Variants in COL23A1 observed in about 807,000 individuals in gnomAD.
COL23A1 encodes the protein collagen type XXIII alpha 1 chain.
In COL23A1, 97 loss-of-function variants were observed where a neutral mutation model predicts 99.3. The ratio of observed to expected loss-of-function variants is 0.98; its 90% confidence interval spans 0.83 to 1.16. The LOEUF is 1.16. Ranked by LOEUF, COL23A1 falls within the 50% of genes most tolerant of loss-of-function variation. The probability of loss-of-function intolerance (pLI) is 0.00; values close to 1 mark genes in which losing one functional copy is unlikely to be tolerated. For missense variants in COL23A1, 762 were observed against 757.4 expected (o/e 1.01, Z -0.07); for synonymous variants, 320 against 308.2 (o/e 1.04, Z -0.40).
chr5:178,505,832 A>G (rs73340607), intron 2 of COL23A1, among the ~76,000 whole-genome samples: 2,431 of 152,218 alleles, frequency 0.016, 77 homozygotes, highest in African/African-American at 0.055. Context: ...AGGGTGTCCA[A>G]TCATTGGAAC....
intron 2 of COL23A1, among the ~76,000 whole-genome samples, chr5:178,418,406 C>T (rs1370667573): frequency 6.6e-6 from 1 of 152,226 alleles, no homozygotes; most frequent in Non-Finnish European, 1.5e-5. Context: ...CCCTACGTTC[C>T]AGCTTTCCTG....
At position 178,539,565 on chromosome 5, in the gene COL23A1, A is replaced by AGG. The variant is rs1383682374; in HGVS notation, c.361+21116_361+21117insCC. Among the ~76,000 whole-genome samples, 548 of 149,348 alleles carry AGG rather than the reference A, an allele frequency of 3.7e-3. 5 individuals are homozygous for AGG. The highest frequency in any genetic ancestry group is 6.0e-3 in the Non-Finnish European group (404 of 67,422). On this transcript the variant is annotated intron_variant, in intron 2 of 28. Coordinates refer to ENST00000390654, the MANE Select transcript of COL23A1 (RefSeq NM_173465.4). Reference sequence around the variant, plus strand: ...TGTCTCAAAAAAAAAAAAAAAAAAAAAAAGAAAAAGAAAGAAAGGGAAAAA... The same window carrying AGG: ...TGTCTCAAAAAAAAAAAAAAAAAAAAGGAAAGAAAAAGAAAGAAAGGGAAAAA...
chr5:178,350,887 C>T (rs7708757), intron 2 of COL23A1: 55,917 of 152,186 alleles, frequency 0.37, 11,707 homozygotes, highest in Middle Eastern at 0.54. Flanking sequence ...TTTAACAAAC[C>T]GAGGTGCAGA....
At chr5:178,403,134 AAAAT>A (rs1561940736) in intron 2 of COL23A1, among the ~76,000 whole-genome samples, 1 of 146,314 alleles carries the variant, frequency 6.8e-6, no homozygotes, top group African/African-American at 2.6e-5. Flanking sequence ...AAATAAATAA[AAAAT>A]AAATACCATT....
rs1292989026 is a variant in COL23A1, at chr5:178,313,180, C to T, written c.362-6261G>A. Among the ~76,000 whole-genome samples the T allele has an allele frequency of 6.6e-6, 1 of 152,034 alleles. No homozygotes were observed. Among genetic ancestry groups the T allele is most frequent in the Non-Finnish European group, 1.5e-5 (1 of 67,986 alleles). ...CAGAAGGTGGAATAGGGGGTGCCAT[C>T]GGTGGGCTGGGCTAGGGGAGGCGAG... On this transcript the variant is annotated intron_variant, in intron 2 of 28. Transcript: ENST00000390654. This position sits in a 1 kb window ranked among gnomAD's most constrained non-coding sequence, Gnocchi z 4.2.
intron 2 of COL23A1, among the ~76,000 whole-genome samples, chr5:178,361,503 T>A (rs1762172966): frequency 6.6e-6 from 1 of 152,078 alleles, no homozygotes; most frequent in African/African-American, 2.4e-5. Context: ...TCCTCACCAT[T>A]CCTCTGCGGG....
intron 2 of COL23A1, among the ~76,000 whole-genome samples, chr5:178,429,312 C>T (rs998712979): frequency 6.6e-6 from 1 of 152,158 alleles, no homozygotes; most frequent in African/African-American, 2.4e-5. Context: ...CCTCCACACC[C>T]CACGAGCGAA....
In COL23A1 at chr5:178,426,768, A is replaced by G. The variant is rs561747675; in HGVS notation, c.362-119849T>C. Reference sequence around the variant, plus strand: ...GTATACAAAGAACTCTTAAAACTCAACAATAAGAACGCGAACAGCCCCGTT... The same window carrying G: ...GTATACAAAGAACTCTTAAAACTCAGCAATAAGAACGCGAACAGCCCCGTT... On this transcript the variant is annotated intron_variant, in intron 2 of 28. Coordinates refer to ENST00000390654, the MANE Select transcript of COL23A1 (RefSeq NM_173465.4). Among the ~76,000 whole-genome samples the G allele has an allele frequency of 5.3e-5, 8 of 152,368 alleles. No individual in the cohort carries two copies. The South Asian group carries it at 1.7e-3, about 32-fold the overall frequency.
In COL23A1 at chr5:178,507,164, T is replaced by C. The variant is rs1758919500; in HGVS notation, c.361+53518A>G. On this transcript the variant is annotated intron_variant, in intron 2 of 28. Coordinates refer to ENST00000390654, the MANE Select transcript of COL23A1 (RefSeq NM_173465.4). ...TTTTTCTTATATAAAAGGCAGCATA[T>C]TCTCTACACAGTTCTGCACCTGGGC... 2.0e-5 allele frequency among the ~76,000 whole-genome samples: 3 copies of C among 152,298 alleles called. No individual in the cohort carries two copies. In the South Asian group the frequency reaches 6.2e-4, roughly 32 times the overall value.
intron 8 of COL23A1, among the ~76,000 whole-genome samples, chr5:178,265,317 G>C (rs1301990515): frequency 1.3e-5 from 2 of 152,182 alleles, no homozygotes. Flanking sequence ...CTGACAGTTT[G>C]GTTAGGTCAC....
chr5:178,477,433 T>A (rs140725157), intron 2 of COL23A1, among the ~76,000 whole-genome samples: 1 of 152,176 alleles, frequency 6.6e-6, no homozygotes, highest in African/African-American at 2.4e-5. Flanking sequence ...GAGTCACCAA[T>A]GTAACCCAGC....
At chr5:178,246,582 C>T (rs1764709040) in intron 22 of COL23A1, 129 bp from the exon 23 acceptor site, 1 of 884,828 alleles carries the variant, frequency 1.1e-6, no homozygotes, top group East Asian at 2.7e-5. Context: ...CAGGCCTGGC[C>T]CCAGCTTACT....
intron 4 of COL23A1, chr5:178,288,641 G>A (rs1295154259): frequency 1.8e-6 from 1 of 548,036 alleles, no homozygotes; most frequent in Non-Finnish European, 3.4e-6. Context: ...AATGCCACGT[G>A]GGGACGTGGG....
intron 2 of COL23A1, among the ~76,000 whole-genome samples, chr5:178,318,279 T>C (rs1268162878): frequency 6.6e-6 from 1 of 152,172 alleles, no homozygotes; most frequent in Non-Finnish European, 1.5e-5. Flanking sequence ...CAGCCTTCGG[T>C]GCCTTCCAGC....
rs767844370 is a variant in COL23A1, at chr5:178,577,516, C to T, written c.294+12388G>A. Among the ~76,000 whole-genome samples the T allele has an allele frequency of 1.5e-3, 231 of 152,318 alleles. 1 individual carries two copies. The highest frequency in any genetic ancestry group is 1.4e-3 in the Non-Finnish European group (98 of 68,004). ...TCAGGCACTCACCGAGGACAGGACC[C>T]GGGGAATCCGCTGGGGCTTTCAGCA... On this transcript the variant is annotated intron_variant, in intron 1 of 28. Coordinates refer to ENST00000390654, the MANE Select transcript of COL23A1 (RefSeq NM_173465.4).
chr5:178,474,734 G>T (rs1373241909), intron 2 of COL23A1, among the ~76,000 whole-genome samples: 1 of 152,172 alleles, frequency 6.6e-6, no homozygotes, highest in Non-Finnish European at 1.5e-5. Context: ...GCAAACAAAA[G>T]AAAATCAATT....
At chr5:178,499,946 A>G (rs908992556) in intron 2 of COL23A1, among the ~76,000 whole-genome samples, 6 of 152,254 alleles carry the variant, frequency 3.9e-5, no homozygotes, top group Non-Finnish European at 8.8e-5. Context: ...GAAAGAAACC[A>G]TATCAAGCAA....
intron 2 of COL23A1, among the ~76,000 whole-genome samples, chr5:178,539,697 A>G (rs1761186920): frequency 6.6e-6 from 1 of 152,180 alleles, no homozygotes; most frequent in African/African-American, 2.4e-5. Context: ...TCTTCCAAAC[A>G]CTTCAGAAAA....
intron 16 of COL23A1, among the ~76,000 whole-genome samples, chr5:178,253,375 C>T (rs1338188029): frequency 1.3e-5 from 2 of 152,158 alleles, no homozygotes; most frequent in East Asian, 1.9e-4. Flanking sequence ...AGGCCCAGGC[C>T]CAGGACCTCC....
Sources: gnomAD v4.1 joint callset for allele counts (sites outside exome capture counted in the v4.1 genomes callset) on GRCh38, gnomAD v4.1.1 for gene constraint, Gnocchi (gnomAD v3.1) non-coding constraint, MANE v1.5 for transcripts, NCBI Gene and HGNC (gene_info 2026-07-23, HGNC 2026-07-21) for gene names.